The following KCNA3 variants were observed in gnomAD, a reference collection of about 807,000 sequenced individuals.
The protein encoded by KCNA3 is potassium voltage-gated channel subfamily A member 3.
KCNA3 carries 18 observed loss-of-function variants against 34.3 expected under a neutral mutation model. That is an observed-to-expected ratio of 0.52 (90% CI 0.36 to 0.78). The LOEUF (loss-of-function observed/expected upper bound fraction) is 0.78. KCNA3 is among the 30% of genes least tolerant of loss of function. The probability of loss-of-function intolerance (pLI) is 0.00; values close to 1 mark genes in which losing one functional copy is unlikely to be tolerated. For synonymous variants in KCNA3, 324 were observed against 351.7 expected, an observed-to-expected ratio of 0.92 and a Z score of 0.88; for missense variants, 587 against 802.5, an observed-to-expected ratio of 0.73 and a Z score of 3.24.
At chr1:110,666,526 G>C in the KCNA3 span, among the ~76,000 whole-genome samples, 1 of 152,178 alleles carries the variant, frequency 6.6e-6, no homozygotes, top group Non-Finnish European at 1.5e-5. Context: ...GGCCATAAAA[G>C]CTATGCTAAG....
the KCNA3 span, among the ~76,000 whole-genome samples, chr1:110,660,612 A>G: frequency 6.6e-6 from 1 of 151,938 alleles, no homozygotes; most frequent in Admixed American, 6.5e-5. Context: ...TTCATTATAA[A>G]TAACTTTTAA....
At chr1:110,660,977 A>G in the KCNA3 span, among the ~76,000 whole-genome samples, 1 of 152,224 alleles carries the variant, frequency 6.6e-6, no homozygotes, top group Non-Finnish European at 1.5e-5. Context: ...ACATAAATGG[A>G]TATATAAAAA....
chr1:110,662,326 T>C, the KCNA3 span, among the ~76,000 whole-genome samples: 106 of 152,196 alleles, frequency 7.0e-4, no homozygotes, highest in African/African-American at 2.6e-3. Flanking sequence ...CAAATTTCAA[T>C]AATTATCAAA....
the KCNA3 span, among the ~76,000 whole-genome samples, chr1:110,664,606 C>T: frequency 6.6e-6 from 1 of 152,130 alleles, no homozygotes; most frequent in African/African-American, 2.4e-5. Context: ...AGGCAATTTC[C>T]TTCCTCTCAT....
the KCNA3 span, among the ~76,000 whole-genome samples, chr1:110,659,896 G>A: frequency 1.1e-4 from 16 of 149,142 alleles, no homozygotes; most frequent in African/African-American, 1.5e-4. Context: ...GAGATCACTC[G>A]GACACAAGGC....
At chr1:110,664,275 A>G in the KCNA3 span, among the ~76,000 whole-genome samples, 1 of 152,214 alleles carries the variant, frequency 6.6e-6, no homozygotes, top group African/African-American at 2.4e-5. Flanking sequence ...GCTATTACGT[A>G]TGAAAAAACA....
chr1:110,655,074 T>C, the KCNA3 span: 1 of 152,236 alleles, frequency 6.6e-6, no homozygotes, highest in East Asian at 1.9e-4. Context: ...ATTTCAAAAA[T>C]AGATTCTTAT....
In KCNA3 at chr1:110,673,742, C is replaced by CTGCT; in HGVS notation, c.1064_1067dup (p.Met358GlyfsTer165). ...CCCTCAGGATGGCCAGAGACATGGC[C>CTGCT]TGCTGTCCATTGCCCTGTCGTTCGG... On this transcript the variant is annotated frameshift_variant, in exon 1 of 1. Coordinates refer to ENST00000369769, the MANE Select transcript of KCNA3 (RefSeq NM_002232.5). LOFTEE classifies it high-confidence loss of function. This position sits in a 1 kb window ranked among gnomAD's most constrained non-coding sequence, Gnocchi z 8.8. 1 of 1,614,222 alleles carries CTGCT rather than the reference C, an allele frequency of 6.2e-7. No individual in the cohort carries two copies. Among genetic ancestry groups the CTGCT allele is most frequent in the Non-Finnish European group, 8.5e-7 (1 of 1,180,048 alleles).
chr1:110,659,657 A>G, the KCNA3 span, among the ~76,000 whole-genome samples: 2 of 152,206 alleles, frequency 1.3e-5, no homozygotes, highest in Non-Finnish European at 2.9e-5. Flanking sequence ...CTTTATGTCA[A>G]TAGAAAATGT....
the KCNA3 span, chr1:110,654,164 T>C: frequency 6.6e-6 from 1 of 152,166 alleles, no homozygotes; most frequent in Non-Finnish European, 1.5e-5. Context: ...ACTGGGAAAA[T>C]TCTTAAGTAA....
chr1:110,672,157 C>A (rs1376681685), downstream of KCNA3, among the ~76,000 whole-genome samples: 1 of 152,162 alleles, frequency 6.6e-6, no homozygotes, highest in Non-Finnish European at 1.5e-5. Context: ...GCCATGACAA[C>A]CTTTTTCGGG....
At position 110,674,556 on chromosome 1, in the gene KCNA3, C is replaced by T; in HGVS notation, c.254G>A (p.Arg85His). 1.9e-6 allele frequency: 3 copies of T among 1,563,140 alleles called. No homozygotes were observed. Among genetic ancestry groups the T allele is most frequent in the Non-Finnish European group, 2.6e-6 (3 of 1,158,920 alleles). The change falls in exon 1 of 1, where the codon CGC (arginine) becomes CAC (histidine). Residue 85 changes from arginine (R) to histidine (H), a missense_variant. By Grantham distance (29) the Arg-to-His change is conservative. Transcript: ENST00000369769. The surrounding 1 kb of genome is among the most constrained non-coding windows in gnomAD (Gnocchi z 6.4). ...CAGTGAGGGCGGCAGCGGCTCGTAG[C>T]GGTCGCAGCCGCCGCCGCCACAGCC... ...QGGCGGGGCDRYEPLPPSLPA... is the reference protein window; with the variant it reads ...QGGCGGGGCDHYEPLPPSLPA...
chr1:110,657,954 A>C, the KCNA3 span, among the ~76,000 whole-genome samples: 1 of 152,240 alleles, frequency 6.6e-6, no homozygotes, highest in African/African-American at 2.4e-5. Flanking sequence ...GCTAACATAG[A>C]ACAAAGACAA....
chr1:110,674,695 C>G lies in KCNA3; in HGVS notation c.115G>C (p.Gly39Arg), dbSNP rs765528871. 1 of 1,497,828 alleles carries G rather than the reference C, an allele frequency of 6.7e-7. No individual in the cohort carries two copies. The highest frequency in any genetic ancestry group is 8.8e-7 in the Non-Finnish European group (1 of 1,134,170). The allele number at this position is 1,497,828 out of a possible 1,614,324, so 92.8% of individuals were successfully genotyped here. A position where few individuals can be genotyped will look rare whatever the true frequency, so the allele number is the denominator to read the frequency against. ...SGGAHTLVNHGYAEPAAGREL... is the reference protein window; with the variant it reads ...SGGAHTLVNHRYAEPAAGREL... ...CGGCCTGCGGCGGGCTCCGCGTAGC[C>G]GTGGTTCACCAGCGTGTGGGCACCG... Residue 39 changes from glycine (G) to arginine (R), a missense_variant, in exon 1 of 1, where the codon GGC becomes CGC. Physicochemically the swap from Gly to Arg is moderately radical, Grantham distance 125. Around this residue, in one of 7 missense-constraint regions of KCNA3, gnomAD observed 341 missense variants for 355.4 expected, o/e 0.96. Transcript: ENST00000369769. The surrounding 1 kb of genome is among the most constrained non-coding windows in gnomAD (Gnocchi z 6.4).
At position 110,674,457 on chromosome 1, in the gene KCNA3, TGC is replaced by T; in HGVS notation, c.351_352del (p.Gln118AlafsTer201). The T allele has an allele frequency of 6.2e-7, 1 of 1,613,972 alleles. No homozygotes were observed. The highest frequency in any genetic ancestry group is 8.5e-7 in the Non-Finnish European group (1 of 1,179,960). ...GGGGAACTGGCAAAGGGTCTTCAGC[TGC>T]GTCTCGAAGCGCAGCCCGGAGATGT... On this transcript the variant is annotated frameshift_variant, in exon 1 of 1. Coordinates refer to ENST00000369769, the MANE Select transcript of KCNA3 (RefSeq NM_002232.5). LOFTEE classifies it high-confidence loss of function. This position sits in a 1 kb window ranked among gnomAD's most constrained non-coding sequence, Gnocchi z 6.4.
the KCNA3 span, among the ~76,000 whole-genome samples, chr1:110,665,299 T>C: frequency 1.3e-5 from 2 of 152,188 alleles, no homozygotes; most frequent in African/African-American, 4.8e-5. Context: ...ATGGTTTAGA[T>C]CAAGTGGTAG....
At chr1:110,657,945 C>T in the KCNA3 span, among the ~76,000 whole-genome samples, 1 of 152,154 alleles carries the variant, frequency 6.6e-6, no homozygotes, top group Non-Finnish European at 1.5e-5. Context: ...ACTAAATGGG[C>T]TAACATAGAA....
chr1:110,668,327 G>C (rs1195203192), downstream of KCNA3, among the ~76,000 whole-genome samples: 1 of 152,072 alleles, frequency 6.6e-6, no homozygotes, highest in Non-Finnish European at 1.5e-5. Context: ...GCTGAGAGGT[G>C]GGAAGGACTT....
rs776448082 is a variant in KCNA3 at position 110,674,573 on chromosome 1, G to C, written c.237C>G (p.Gly79=). Residue 79 remains glycine (G), a synonymous_variant, in exon 1 of 1, where the codon GGC becomes GGG. Coordinates refer to ENST00000369769, the MANE Select transcript of KCNA3 (RefSeq NM_002232.5). The surrounding 1 kb of genome is among the most constrained non-coding windows in gnomAD (Gnocchi z 6.4). ...GCTCGTAGCGGTCGCAGCCGCCGCC[G>C]CCACAGCCGCCTTGAGGCGGGGCCC... The part of the protein sequence containing the change: ...GGGAPPQGGC[G]GGGCDRYEPL... 5.2e-5 allele frequency: 82 copies of C among 1,571,674 alleles called. No individual in the cohort carries two copies. In the African/African-American group the frequency reaches 9.6e-4, roughly 18 times the overall value.
Sources: allele counts gnomAD v4.1 joint callset (sites outside exome capture counted in the v4.1 genomes callset), GRCh38; gene constraint gnomAD v4.1.1; regional missense constraint gnomAD v4.1.1; non-coding constraint Gnocchi (gnomAD v3.1); transcripts MANE v1.5; gene names NCBI Gene and HGNC (gene_info 2026-07-23, HGNC 2026-07-21).